CADM2: variants seen among roughly 807,000 people sequenced by gnomAD.
CADM2 encodes cell adhesion molecule 2, also known as immunoglobulin superfamily member 4D.
CADM2 carries 12 observed loss-of-function variants against 49.8 expected under a neutral mutation model. The observed-to-expected ratio is 0.24, with a 90% confidence interval of 0.15 to 0.39. The LOEUF (loss-of-function observed/expected upper bound fraction) is 0.39, where lower values mean the gene tolerates loss of function less well. Among genes scored for constraint, CADM2 ranks in the 10% least tolerant of loss-of-function variants. The pLI is 1.00. For missense variants in CADM2, 378 were observed against 492.3 expected (o/e 0.77, Z 2.20); for synonymous variants, 214 against 175.4 (o/e 1.22, Z -1.74).
intron 1 of CADM2, among the ~76,000 whole-genome samples, chr3:85,722,159 A>G (rs936281560): frequency 6.6e-6 from 1 of 150,616 alleles, no homozygotes; most frequent in South Asian, 2.1e-4. Flanking sequence ...GGTTATCCTG[A>G]TGTCTGCTAC....
intron 1 of CADM2, among the ~76,000 whole-genome samples, chr3:85,653,674 G>C (rs1559572001): frequency 6.6e-6 from 1 of 152,082 alleles, no homozygotes; most frequent in Non-Finnish European, 1.5e-5. Flanking sequence ...GTCATTACTG[G>C]AGATATAAAT....
At chr3:85,413,161 A>AAAAAATAAT (rs1553720239) in intron 1 of CADM2, among the ~76,000 whole-genome samples, 1 of 108,524 alleles carries the variant, frequency 9.2e-6, no homozygotes, top group Non-Finnish European at 1.7e-5. Flanking sequence ...AAAAAAAAAA[A>AAAAAATAAT]AATAATAATA....
At chr3:85,259,983 A>G (rs1051792970) in intron 1 of CADM2, among the ~76,000 whole-genome samples, 1 of 152,120 alleles carries the variant, frequency 6.6e-6, no homozygotes, top group African/African-American at 2.4e-5. Context: ...CCACTCGAGT[A>G]CTATTTAGAA....
chr3:85,627,629 A>G (rs1218688939), intron 1 of CADM2, among the ~76,000 whole-genome samples: 1 of 151,988 alleles, frequency 6.6e-6, no homozygotes, highest in East Asian at 1.9e-4. Context: ...AAAGATAACT[A>G]TGGCTCTTTC....
At chr3:85,278,606 C>G (rs2043415688) in intron 1 of CADM2, among the ~76,000 whole-genome samples, 1 of 151,238 alleles carries the variant, frequency 6.6e-6, no homozygotes, top group Non-Finnish European at 1.5e-5. Flanking sequence ...GCCATGCATG[C>G]AGCCTTATAA....
chr3:85,683,323 G>C (rs1236282137), intron 1 of CADM2, among the ~76,000 whole-genome samples: 3 of 152,106 alleles, frequency 2.0e-5, no homozygotes, highest in Admixed American at 6.5e-5. Context: ...ACCCTAACAC[G>C]ATATTGTTCT....
intron 1 of CADM2, among the ~76,000 whole-genome samples, chr3:85,535,536 C>CT (rs74384786): frequency 6.6e-6 from 1 of 151,916 alleles, no homozygotes; most frequent in East Asian, 1.9e-4. Context: ...TTGCAAGTAT[C>CT]TTTTTTGTGG....
chr3:85,384,858 T>C (rs1453368323), intron 1 of CADM2, among the ~76,000 whole-genome samples: 1 of 152,134 alleles, frequency 6.6e-6, no homozygotes, highest in African/African-American at 2.4e-5. Context: ...AAAAGAAAGA[T>C]TATATACCCA....
intron 1 of CADM2, among the ~76,000 whole-genome samples, chr3:85,133,806 A>C (rs990358923): frequency 6.6e-6 from 1 of 152,226 alleles, no homozygotes; most frequent in African/African-American, 2.4e-5. Context: ...CACCCAGTGG[A>C]TCCCTCACCG....
At chr3:85,350,675 T>C (rs1014148419) in intron 1 of CADM2, among the ~76,000 whole-genome samples, 5 of 152,174 alleles carry the variant, frequency 3.3e-5, no homozygotes, top group Non-Finnish European at 7.4e-5. Flanking sequence ...TCACAGTATT[T>C]AGTTTAGTAG....
chr3:85,146,322 T>C (rs1693376981), intron 1 of CADM2, among the ~76,000 whole-genome samples: 1 of 152,186 alleles, frequency 6.6e-6, no homozygotes, highest in South Asian at 2.1e-4. Flanking sequence ...TTTTTTGTGG[T>C]GACTCTTGTT....
intron 1 of CADM2, among the ~76,000 whole-genome samples, chr3:85,557,999 A>G (rs2062003670): frequency 6.6e-6 from 1 of 152,056 alleles, no homozygotes; most frequent in South Asian, 2.1e-4. Context: ...AAAAGAGCAA[A>G]TGACACAACT....
At chr3:85,741,410 C>T (rs1207945696) in intron 2 of CADM2, among the ~76,000 whole-genome samples, 2 of 152,060 alleles carry the variant, frequency 1.3e-5, no homozygotes, top group African/African-American at 4.8e-5. Flanking sequence ...TGGCTCACGT[C>T]TCTATTCCCA....
intron 1 of CADM2, among the ~76,000 whole-genome samples, chr3:85,132,763 G>A (rs1309050599): frequency 1.3e-5 from 2 of 152,076 alleles, no homozygotes; most frequent in Non-Finnish European, 2.9e-5. Flanking sequence ...ATAACCATAC[G>A]TAAGAGGAAA....
At chr3:85,077,900 G>T (rs906004846) in intron 1 of CADM2, among the ~76,000 whole-genome samples, 31 of 152,064 alleles carry the variant, frequency 2.0e-4, no homozygotes, top group African/African-American at 7.5e-4. Flanking sequence ...TACATGACTT[G>T]TTTCTTACTA....
At chr3:85,373,085 C>T (rs559130103) in intron 1 of CADM2, among the ~76,000 whole-genome samples, 1 of 152,180 alleles carries the variant, frequency 6.6e-6, no homozygotes, top group East Asian at 1.9e-4. Context: ...CAAAAGTACC[C>T]CAAAGTCTCG....
At chr3:85,690,091 A>AT (rs970951275) in intron 1 of CADM2, among the ~76,000 whole-genome samples, 66 of 152,084 alleles carry the variant, frequency 4.3e-4, no homozygotes, top group African/African-American at 1.3e-3. Context: ...TTGTTTCATA[A>AT]TTTTTTTTAT....
rs567919866 is a variant in CADM2 at position 85,307,002 on chromosome 3, G to A, written c.61+347334G>A. ...TTACTCCCTTTATCCCCATAGAAAC[G>A]TTGACCTGTTCTTGAACTTCTTATA... On this transcript the variant is annotated intron_variant, in intron 1 of 9. Transcript: ENST00000383699. Among the ~76,000 whole-genome samples, 6 of 151,458 alleles carry A rather than the reference G, an allele frequency of 4.0e-5. No individual in the cohort carries two copies. The South Asian group carries it at 1.2e-3, about 31-fold the overall frequency.
intron 1 of CADM2, among the ~76,000 whole-genome samples, chr3:85,348,939 T>G (rs1298548526): frequency 6.6e-6 from 1 of 152,148 alleles, no homozygotes; most frequent in Admixed American, 6.5e-5. Flanking sequence ...TCAAATACAA[T>G]GAATACAAAG....
Sources: allele counts gnomAD v4.1 joint callset (sites outside exome capture counted in the v4.1 genomes callset), GRCh38; gene constraint gnomAD v4.1.1; transcripts MANE v1.5; gene names NCBI Gene and HGNC (gene_info 2026-07-23, HGNC 2026-07-21).